The following MCMBP variants were observed in gnomAD, a reference collection of about 807,000 sequenced individuals.
The protein encoded by MCMBP is mini-chromosome maintenance complex-binding protein.
Under a neutral mutation model 81.3 loss-of-function variants are expected in MCMBP, and 31 were observed. The ratio of observed to expected loss-of-function variants is 0.38; its 90% CI spans 0.29 to 0.51. The LOEUF is 0.51. Among genes scored for constraint, MCMBP ranks in the 20% least tolerant of loss-of-function variants. The probability of loss-of-function intolerance (pLI) is 0.87; values close to 1 mark genes in which losing one functional copy is unlikely to be tolerated. For synonymous variants in MCMBP, 267 were observed against 275.9 expected (o/e 0.97, Z 0.32); for missense variants, 645 against 772.1 (o/e 0.84, Z 1.95).
At chr10:119,864,534 C>CA (rs534954626) in intron 1 of MCMBP, among the ~76,000 whole-genome samples, 4 of 129,886 alleles carry the variant, frequency 3.1e-5, no homozygotes, top group Non-Finnish European at 6.7e-5. Flanking sequence ...ATTTGTTTTC[C>CA]TTTTTTTTTT....
rs114591577 is a variant in MCMBP at position 119,836,006 on chromosome 10, T to C, written c.1543-302A>G. Among the ~76,000 whole-genome samples the C allele has an allele frequency of 3.9e-3, 600 of 152,292 alleles. 2 individuals carry two copies. The highest frequency in any genetic ancestry group is 0.013 in the African/African-American group (542 of 41,564). On this transcript the variant is annotated intron_variant, in intron 13 of 15. Coordinates refer to ENST00000369077, the MANE Select transcript of MCMBP (RefSeq NM_001256378.2). Reference sequence around the variant, plus strand: ...GCACGCCACCATGCCTGACTAATTTTGGATTTTTTGTAGAGACAAGTTTCG... The same window carrying C: ...GCACGCCACCATGCCTGACTAATTTCGGATTTTTTGTAGAGACAAGTTTCG...
rs1385630633 is a variant in MCMBP, at chr10:119,859,235, A to T, written c.145-54T>A. 2.6e-6 allele frequency: 4 copies of T among 1,537,116 alleles called. No homozygotes were observed. In the African/African-American group the frequency reaches 5.5e-5, roughly 21 times the overall value. On this transcript the variant is annotated intron_variant, in intron 2 of 15. Coordinates refer to ENST00000369077, the MANE Select transcript of MCMBP (RefSeq NM_001256378.2). ...CTAAATATCCTGTCTATACAACATT[A>T]AGCATATATACACAAACTTTATATC... is the stretch of plus-strand genomic sequence containing the variant.
At chr10:119,859,669 C>A in intron 2 of MCMBP, 130 bp downstream of exon 2, 1 of 603,700 alleles carries the variant, frequency 1.7e-6, no homozygotes, top group Non-Finnish European at 2.8e-6. Flanking sequence ...TCTTTTAATA[C>A]AAATGTACTT....
rs1417220172 is a variant in MCMBP, at chr10:119,831,321, A to G, written c.*153T>C. 2.6e-6 allele frequency: 2 copies of G among 759,170 alleles called. No homozygotes were observed. The highest frequency in any genetic ancestry group is 6.3e-5 in the Admixed American group (2 of 31,664). 47.0% of individuals were successfully genotyped at this position (759,170 alleles called of 1,614,324 possible). On this transcript the variant is annotated 3_prime_UTR_variant, in exon 16 of 16. Transcript: ENST00000369077. ...AAGGTAAAAGTCCTTACTGAATATCATATAAACATCAGGTGTTACCAGGCT... is the reference window on the plus strand; with the variant it reads ...AAGGTAAAAGTCCTTACTGAATATCGTATAAACATCAGGTGTTACCAGGCT...
chr10:119,864,565 AG>A (rs1334948167), intron 1 of MCMBP, among the ~76,000 whole-genome samples: 1 of 144,130 alleles, frequency 6.9e-6, no homozygotes, highest in Middle Eastern at 3.5e-3. Context: ...GTATGGCTAG[AG>A]GTTTACAATT....
intron 6 of MCMBP, among the ~76,000 whole-genome samples, chr10:119,850,964 C>T (rs1015506795): frequency 1.3e-5 from 2 of 150,324 alleles, no homozygotes; most frequent in African/African-American, 4.9e-5. Context: ...CCTTCGCCTC[C>T]CGGGTTCAAG....
At chr10:119,834,483 T>C (rs1852163393) in intron 14 of MCMBP, among the ~76,000 whole-genome samples, 1 of 152,002 alleles carries the variant, frequency 6.6e-6, no homozygotes, top group Non-Finnish European at 1.5e-5. Context: ...CCAGCAAAAC[T>C]AGCCTTAAGG....
At chr10:119,848,573 A>T (rs1852701035) in intron 7 of MCMBP, among the ~76,000 whole-genome samples, 1 of 152,176 alleles carries the variant, frequency 6.6e-6, no homozygotes, top group Non-Finnish European at 1.5e-5. Flanking sequence ...AGATCGTGCC[A>T]CTGCACACCA....
At chr10:119,837,335 A>C (rs1341858016) in intron 12 of MCMBP, among the ~76,000 whole-genome samples, 1 of 152,198 alleles carries the variant, frequency 6.6e-6, no homozygotes, top group Middle Eastern at 3.2e-3. Context: ...GGCTAAACCA[A>C]GGAAACACTA....
In MCMBP at chr10:119,859,065, C is replaced by T. The variant is rs186646222; in HGVS notation, c.261G>A (p.Thr87=). ...CATGTGCTTTTGTGTTTTGGTTAAC[C>T]GTTTCATAAACTCCCATGTAAAACT... ...DPEFYMGVYE[T]VNQNTKAHVL... Residue 87 remains threonine (T), a synonymous_variant, in exon 3 of 16, where the codon ACG becomes ACA. Coordinates refer to ENST00000369077, the MANE Select transcript of MCMBP (RefSeq NM_001256378.2). 9 of 1,613,522 alleles carry T rather than the reference C, an allele frequency of 5.6e-6. No individual in the cohort carries two copies. The East Asian group carries it at 1.1e-4, about 20-fold the overall frequency.
chr10:119,872,570 C>T lies in MCMBP; in HGVS notation c.15G>A (p.Glu5=). Residue 5 remains glutamate (E), a synonymous_variant, in exon 1 of 16, where the codon GAG becomes GAA. Coordinates refer to ENST00000369077, the MANE Select transcript of MCMBP (RefSeq NM_001256378.2). MPCG[E]DWLSHPLGIV... is the part of the protein sequence containing the mutation. Reference sequence around the variant, plus strand: ...TTCCCAGCGGGTGGCTGAGCCAATCCTCCCCACACGGCATCTCGCCAGGGG... The same window carrying T: ...TTCCCAGCGGGTGGCTGAGCCAATCTTCCCCACACGGCATCTCGCCAGGGG... 1 of 1,181,104 alleles carries T rather than the reference C, an allele frequency of 8.5e-7. No individual in the cohort carries two copies. Among genetic ancestry groups the T allele is most frequent in the Non-Finnish European group, 1.1e-6 (1 of 947,776 alleles). The allele number at this position is 1,181,104 out of a possible 1,614,324, so 73.2% of individuals were successfully genotyped here.
intron 1 of MCMBP, among the ~76,000 whole-genome samples, chr10:119,869,140 A>C (rs1853574598): frequency 6.6e-6 from 1 of 152,226 alleles, no homozygotes; most frequent in Non-Finnish European, 1.5e-5. Context: ...TAATTTTGAC[A>C]GTAGCATTGG....
chr10:119,853,190 T>C lies in MCMBP; in HGVS notation c.434A>G (p.Tyr145Cys), dbSNP rs201015900. ...PGESTWVKEA[Y>C]VNANQARVSP... is the part of the protein sequence containing the mutation. ...GACTCGAGCTTGGTTTGCATTAACA[T>C]AGGCGTTAAACGAAAAGTTAAGAAA... Residue 145 changes from tyrosine to cysteine, a missense_variant, in exon 6 of 16, where the codon TAT (tyrosine) becomes TGT (cysteine). Physicochemically the swap from Tyr to Cys is radical, Grantham distance 194. Coordinates refer to ENST00000369077, the MANE Select transcript of MCMBP (RefSeq NM_001256378.2). 339 of 1,612,636 alleles carry C rather than the reference T, an allele frequency of 2.1e-4. No individual in the cohort carries two copies. Among genetic ancestry groups the C allele is most frequent in the Non-Finnish European group, 2.5e-4 (299 of 1,179,116 alleles).
In MCMBP at chr10:119,836,979, C is replaced by T; in HGVS notation, c.1459G>A (p.Asp487Asn). The change falls in exon 13 of 16, where the codon GAT becomes AAT. Residue 487 changes from aspartate to asparagine, a missense_variant. Coordinates refer to ENST00000369077, the MANE Select transcript of MCMBP (RefSeq NM_001256378.2). ...ATCTGATGGTAGCTGAAGTCATAATCCACCTTCTGCCACGTTATGAGGTTG... is the reference window on the plus strand; with the variant it reads ...ATCTGATGGTAGCTGAAGTCATAATTCACCTTCTGCCACGTTATGAGGTTG... Reference protein sequence around the residue: ...LSNLITWQKVDYDFSYHQMEF... With the variant: ...LSNLITWQKVNYDFSYHQMEF... 6.2e-7 allele frequency: 1 copy of T among 1,613,722 alleles called. No homozygotes were observed. Among genetic ancestry groups the T allele is most frequent in the Non-Finnish European group, 8.5e-7 (1 of 1,179,820 alleles).
chr10:119,852,129 G>A (rs943220204), intron 6 of MCMBP, among the ~76,000 whole-genome samples: 2 of 114,862 alleles, frequency 1.7e-5, no homozygotes, highest in Non-Finnish European at 3.2e-5. Context: ...TCCAGCCACT[G>A]CAACAAGAGC....
intron 2 of MCMBP, 120 bp from the exon 3 acceptor site, chr10:119,859,301 CACA>C (rs1853163236): frequency 6.5e-6 from 5 of 768,354 alleles, no homozygotes; most frequent in Admixed American, 6.0e-5. Flanking sequence ...CACACACACA[CACA>C]CCCATGCCAC....
At position 119,830,616 on chromosome 10, in the gene MCMBP, G is replaced by C. The variant is rs1308281965; in HGVS notation, c.*858C>G. On this transcript the variant is annotated 3_prime_UTR_variant, in exon 16 of 16. Transcript: ENST00000369077. ...GTAGCACAGCATTCCCTTATGCATG[G>C]TTCTCAAATGCACTGGGATAGGAGA... 6.6e-6 allele frequency: 1 copy of C among 152,360 alleles called. No individual in the cohort carries two copies. Among genetic ancestry groups the C allele is most frequent in the Non-Finnish European group, 1.5e-5 (1 of 68,034 alleles). The allele number at this position is 152,360 out of a possible 1,614,324, so 9.4% of individuals were successfully genotyped here.
At chr10:119,833,128 C>T (rs183988055) in intron 14 of MCMBP, among the ~76,000 whole-genome samples, 151 of 152,262 alleles carry the variant, frequency 9.9e-4, no homozygotes, top group Non-Finnish European at 1.8e-3. Context: ...GAGACTACTA[C>T]CCAGCATTTA....
intron 8 of MCMBP, among the ~76,000 whole-genome samples, chr10:119,843,882 G>A (rs749072099): frequency 4.0e-5 from 6 of 151,866 alleles, no homozygotes; most frequent in Admixed American, 6.6e-5. Context: ...GGCTGGTCTC[G>A]AACTCCTGAC....
Sources: allele counts gnomAD v4.1 joint callset (sites outside exome capture counted in the v4.1 genomes callset), GRCh38; gene constraint gnomAD v4.1.1; transcripts MANE v1.5; gene names NCBI Gene and HGNC (gene_info 2026-07-23, HGNC 2026-07-21).